PLEKHG1: variants seen among roughly 807,000 people sequenced by gnomAD.
PLEKHG1 encodes pleckstrin homology and RhoGEF domain containing G1.
Under a neutral mutation model 100.8 loss-of-function variants are expected in PLEKHG1, and 44 were observed. The ratio of observed to expected loss-of-function variants is 0.44; its 90% CI spans 0.34 to 0.56. The LOEUF (loss-of-function observed/expected upper bound fraction) is 0.56. Ranked by LOEUF, PLEKHG1 falls within the 20% of genes least tolerant of loss-of-function variation. The pLI is 0.01. For missense variants in PLEKHG1, 1,545 were observed against 1,720.9 expected (o/e 0.90, Z 1.81); for synonymous variants, 640 against 662.5 (o/e 0.97, Z 0.52).
At chr6:150,815,092 C>A (rs1218016213) in intron 10 of PLEKHG1, among the ~76,000 whole-genome samples, 2 of 152,226 alleles carry the variant, frequency 1.3e-5, no homozygotes, top group Non-Finnish European at 2.9e-5. Context: ...GCAGGATTAT[C>A]ATTAAAGTGA....
chr6:150,746,038 T>C (rs1341902022), intron 2 of PLEKHG1, among the ~76,000 whole-genome samples: 1 of 152,186 alleles, frequency 6.6e-6, no homozygotes, highest in Non-Finnish European at 1.5e-5. Flanking sequence ...CTGCAGCTTA[T>C]GCCTTGTCAA....
intron 3 of PLEKHG1, among the ~76,000 whole-genome samples, chr6:150,670,958 C>T (rs1310160394): frequency 1.3e-5 from 2 of 150,980 alleles, no homozygotes; most frequent in Admixed American, 6.6e-5. Context: ...TTCCCACATA[C>T]CAGTGAGAAC....
intron 3 of PLEKHG1, among the ~76,000 whole-genome samples, chr6:150,705,350 T>C (rs1486921890): frequency 6.6e-6 from 1 of 152,206 alleles, no homozygotes; most frequent in Non-Finnish European, 1.5e-5. Flanking sequence ...AAAAATAAAA[T>C]CCTGGGATGG....
At chr6:150,635,485 T>C in intron 1 of PLEKHG1, among the ~76,000 whole-genome samples, 1 of 152,202 alleles carries the variant, frequency 6.6e-6, no homozygotes, top group South Asian at 2.1e-4. Context: ...AGCATCTACT[T>C]TGAGCTAATT....
chr6:150,746,070 G>A (rs898905779), intron 2 of PLEKHG1, among the ~76,000 whole-genome samples: 2 of 152,170 alleles, frequency 1.3e-5, no homozygotes, highest in Non-Finnish European at 2.9e-5. Context: ...ACCTGCCACG[G>A]GCTGGGAGTT....
rs111399930 is a variant in PLEKHG1 at position 150,714,191 on chromosome 6, G to A, written c.-98-19393G>A. Reference sequence around the variant, plus strand: ...TGCTGAGCACAGCCAGTCCTCCGATGGTGTCCTTAGAGATGGGACTGATAG... The same window carrying A: ...TGCTGAGCACAGCCAGTCCTCCGATAGTGTCCTTAGAGATGGGACTGATAG... On this transcript the variant is annotated intron_variant, in intron 3 of 3. Transcript: ENST00000367326. 3.8e-3 allele frequency among the ~76,000 whole-genome samples: 575 copies of A among 152,312 alleles called. 3 individuals are homozygous for A. The highest frequency in any genetic ancestry group is 0.013 in the African/African-American group (551 of 41,574).
At position 150,600,222 on chromosome 6, in the gene PLEKHG1, G is replaced by A. The variant is rs946277511; in HGVS notation, c.-204+205G>A. On this transcript the variant is annotated intron_variant, in intron 1 of 3. Coordinates refer to the PLEKHG1 transcript ENST00000367326. This position sits in a 1 kb window ranked among gnomAD's most constrained non-coding sequence, Gnocchi z 6.2. The stretch of plus-strand genomic sequence containing the variant: ...GAGCGGTGGGGACAGAGGGCGCCGG[G>A]GGCACCGCGCGGTGGGGACGGAGGG... 6.6e-6 allele frequency among the ~76,000 whole-genome samples: 1 copy of A among 151,344 alleles called. No homozygotes were observed. Among genetic ancestry groups the A allele is most frequent in the Non-Finnish European group, 1.5e-5 (1 of 67,688 alleles).
chr6:150,679,601 C>G (rs1258523137), intron 3 of PLEKHG1, among the ~76,000 whole-genome samples: 2 of 152,104 alleles, frequency 1.3e-5, no homozygotes, highest in Non-Finnish European at 2.9e-5. Context: ...CTAATTATAC[C>G]AAAGTCCTCA....
intron 3 of PLEKHG1, among the ~76,000 whole-genome samples, chr6:150,710,625 T>A (rs1016507821): frequency 6.6e-6 from 1 of 152,156 alleles, no homozygotes; most frequent in Non-Finnish European, 1.5e-5. Context: ...AAAGGGGCGT[T>A]GTTGCAGTAA....
intron 3 of PLEKHG1, among the ~76,000 whole-genome samples, chr6:150,670,504 C>T (rs1009908423): frequency 2.0e-5 from 3 of 152,218 alleles, no homozygotes; most frequent in African/African-American, 7.2e-5. Flanking sequence ...CTACCAGTAC[C>T]AGTCACAAAT....
At chr6:150,648,625 A>C (rs1778593158) in intron 2 of PLEKHG1, among the ~76,000 whole-genome samples, 2 of 152,140 alleles carry the variant, frequency 1.3e-5, no homozygotes, top group Non-Finnish European at 2.9e-5. Context: ...CATCTTATCT[A>C]AGTCAAACAT....
At chr6:150,609,930 A>G (rs1381933313) in intron 1 of PLEKHG1, among the ~76,000 whole-genome samples, 1 of 152,128 alleles carries the variant, frequency 6.6e-6, no homozygotes, top group Admixed American at 6.5e-5. Flanking sequence ...TCCCACGTCC[A>G]GCATCCTCTC....
chr6:150,670,553 A>T (rs528634097), intron 3 of PLEKHG1, among the ~76,000 whole-genome samples: 10 of 152,180 alleles, frequency 6.6e-5, no homozygotes, highest in African/African-American at 1.7e-4. Flanking sequence ...CCAACATGTC[A>T]GTCCTAGAAC....
Position 150,710,841 on chromosome 6 carries a change from A to T in PLEKHG1, c.-98-22743A>T, listed in dbSNP as rs183667299. ...CTTCTCAACCTTCAGATGTCAGTCC[A>T]CACATCCCTCCCTCAGGGAAACCTT... On this transcript the variant is annotated intron_variant, in intron 3 of 3. Coordinates refer to the PLEKHG1 transcript ENST00000367326. Among the ~76,000 whole-genome samples the T allele has an allele frequency of 2.6e-5, 4 of 152,180 alleles. No individual in the cohort carries two copies. In the East Asian group the frequency reaches 7.8e-4, roughly 29 times the overall value.
chr6:150,806,040 A>G (rs951324722), intron 7 of PLEKHG1, among the ~76,000 whole-genome samples: 4 of 152,114 alleles, frequency 2.6e-5, no homozygotes, highest in Non-Finnish European at 5.9e-5. Context: ...AGTGAGATGG[A>G]AAAGCCCAAA....
At chr6:150,612,057 C>CT (rs1582808893) in intron 1 of PLEKHG1, among the ~76,000 whole-genome samples, 53 of 107,188 alleles carry the variant, frequency 4.9e-4, no homozygotes, top group Middle Eastern at 3.7e-3. Flanking sequence ...CCCCCCCCCC[C>CT]CCCTTTTCTA....
At chr6:150,715,681 G>C (rs1781401417) in intron 3 of PLEKHG1, among the ~76,000 whole-genome samples, 1 of 150,404 alleles carries the variant, frequency 6.6e-6, no homozygotes, top group African/African-American at 2.4e-5. Context: ...GGAGAGACAG[G>C]GTTTTGCCAT....
chr6:150,822,799 G>A (rs1436937047), intron 13 of PLEKHG1, among the ~76,000 whole-genome samples: 1 of 152,138 alleles, frequency 6.6e-6, no homozygotes, highest in Non-Finnish European at 1.5e-5. Flanking sequence ...GGCCAACATG[G>A]CAAGATCCCA....
intron 3 of PLEKHG1, among the ~76,000 whole-genome samples, chr6:150,674,628 C>CTCCTCTCTCT: frequency 1.9e-5 from 1 of 51,898 alleles, no homozygotes; most frequent in East Asian, 6.1e-4. Context: ...TTCTCTCTCT[C>CTCCTCTCTCT]CTCCCTCTCT....
Sources: gnomAD v4.1 joint callset for allele counts (sites outside exome capture counted in the v4.1 genomes callset) on GRCh38, gnomAD v4.1.1 for gene constraint, Gnocchi (gnomAD v3.1) non-coding constraint, MANE v1.5 for transcripts, NCBI Gene and HGNC (gene_info 2026-07-23, HGNC 2026-07-21) for gene names.